FREM2: variants seen among roughly 807,000 people sequenced by gnomAD.
FREM2 encodes FRAS1 related extracellular matrix 2, also known as FRAS1-related extracellular matrix protein 2.
FREM2 carries 119 observed loss-of-function variants against 219.9 expected under a neutral mutation model. The observed-to-expected ratio is 0.54, with a 90% CI of 0.47 to 0.63. The LOEUF is 0.63. Ranked by LOEUF, FREM2 falls within the 30% of genes least tolerant of loss-of-function variation. The probability of loss-of-function intolerance (pLI) is 0.00; values close to 1 mark genes in which losing one functional copy is unlikely to be tolerated. For synonymous variants in FREM2, 1,562 were observed against 1,522.8 expected (o/e 1.03, Z -0.60); for missense variants, 4,030 against 3,993.6 (o/e 1.01, Z -0.25).
chr13:38,866,850 C>T lies in FREM2; in HGVS notation c.7983+2244C>T, dbSNP rs768580156. ...ATCAGTAATAAAAACCCTGCACTTG[C>T]CTGCCTAAGCTTTATCCTATTATAT... On this transcript the variant is annotated intron_variant, in intron 16 of 23. Transcript: ENST00000280481. Among the ~76,000 whole-genome samples, 10 of 152,142 alleles carry T rather than the reference C, an allele frequency of 6.6e-5. 1 individual carries two copies. The highest frequency in any genetic ancestry group is 9.7e-5 in the African/African-American group (4 of 41,430).
intron 14 of FREM2, among the ~76,000 whole-genome samples, chr13:38,861,062 A>T (rs960833569): frequency 6.6e-6 from 1 of 152,228 alleles, no homozygotes; most frequent in African/African-American, 2.4e-5. Context: ...AACTACACTT[A>T]CTTTTATCCT....
intron 6 of FREM2, among the ~76,000 whole-genome samples, chr13:38,790,348 A>T (rs78974591): frequency 0.039 from 5,871 of 152,084 alleles, 391 homozygotes; most frequent in African/African-American, 0.13. Context: ...GTATTAGCTC[A>T]TTTAGCTAGT....
intron 6 of FREM2, among the ~76,000 whole-genome samples, chr13:38,824,856 A>G (rs1876214170): frequency 6.6e-6 from 1 of 152,038 alleles, no homozygotes; most frequent in African/African-American, 2.4e-5. Flanking sequence ...GTCTCTCATT[A>G]GCTTCATAAA....
chr13:38,777,175 CATAT>C (rs920802672), intron 4 of FREM2, among the ~76,000 whole-genome samples: 3 of 151,766 alleles, frequency 2.0e-5, no homozygotes, highest in African/African-American at 4.8e-5. Flanking sequence ...TGTATACAAT[CATAT>C]ATATATAATT....
At chr13:38,694,849 G>A (rs1870038960) in intron 1 of FREM2, among the ~76,000 whole-genome samples, 1 of 152,102 alleles carries the variant, frequency 6.6e-6, no homozygotes, top group South Asian at 2.1e-4. Context: ...CATGTCTCAA[G>A]TACCTGGATT....
In FREM2 at chr13:38,878,982, G is replaced by T; in HGVS notation, c.9006+5G>T. 6.2e-7 allele frequency: 1 copy of T among 1,614,056 alleles called. No homozygotes were observed. The highest frequency in any genetic ancestry group is 8.5e-7 in the Non-Finnish European group (1 of 1,179,914). On this transcript the variant is annotated splice_donor_5th_base_variant and intron_variant, in intron 23 of 23. Coordinates refer to ENST00000280481, the MANE Select transcript of FREM2 (RefSeq NM_207361.6). ...GACTCAACACCACTCTTTCAGGTAG[G>T]CCAAAAACAAGCTCATTTGTAGTAG...
At chr13:38,813,142 T>C (rs2137865763) in intron 6 of FREM2, among the ~76,000 whole-genome samples, 1 of 152,230 alleles carries the variant, frequency 6.6e-6, no homozygotes. Context: ...GTCTGCTTCC[T>C]ATTACCAGTG....
intron 6 of FREM2, among the ~76,000 whole-genome samples, chr13:38,793,913 A>T (rs1048828563): frequency 6.6e-6 from 1 of 152,198 alleles, no homozygotes; most frequent in African/African-American, 2.4e-5. Flanking sequence ...GTTCACTGAG[A>T]TGGGGAGAAT....
At chr13:38,839,544 T>C (rs994091915) in intron 6 of FREM2, among the ~76,000 whole-genome samples, 4 of 152,204 alleles carry the variant, frequency 2.6e-5, no homozygotes, top group Non-Finnish European at 4.4e-5. Flanking sequence ...CATTTAAGTC[T>C]GCTGAAGCTG....
At chr13:38,833,109 G>C (rs1876575891) in intron 6 of FREM2, among the ~76,000 whole-genome samples, 1 of 152,082 alleles carries the variant, frequency 6.6e-6, no homozygotes, top group African/African-American at 2.4e-5. Flanking sequence ...AGAGCAGCAT[G>C]TCATAAATTA....
chr13:38,766,524 A>G (rs9603421), intron 3 of FREM2, among the ~76,000 whole-genome samples: 7,890 of 152,178 alleles, frequency 0.052, 385 homozygotes, highest in East Asian at 0.15. Context: ...TTTACAATGA[A>G]TACGTTGCTT....
intron 7 of FREM2, among the ~76,000 whole-genome samples, chr13:38,847,582 G>A (rs115569547): frequency 0.031 from 4,773 of 151,928 alleles, 113 homozygotes; most frequent in Middle Eastern, 0.071. Flanking sequence ...AAGAGCAAAG[G>A]GGAAGAAGCA....
At chr13:38,844,323 TACAC>T (rs1877069879) in intron 6 of FREM2, among the ~76,000 whole-genome samples, 1 of 152,256 alleles carries the variant, frequency 6.6e-6, no homozygotes, top group Non-Finnish European at 1.5e-5. Flanking sequence ...CTTGCACAGA[TACAC>T]ACACACATGC....
chr13:38,759,368 T>C (rs757047241), intron 2 of FREM2, among the ~76,000 whole-genome samples: 2 of 152,174 alleles, frequency 1.3e-5, no homozygotes, highest in Non-Finnish European at 2.9e-5. Context: ...TTATTGAAGA[T>C]TAAATGCTTT....
At chr13:38,818,673 A>G (rs1454019452) in intron 6 of FREM2, among the ~76,000 whole-genome samples, 1 of 152,082 alleles carries the variant, frequency 6.6e-6, no homozygotes, top group Non-Finnish European at 1.5e-5. Context: ...ATATATTATA[A>G]AAAAGCTGAC....
intron 6 of FREM2, among the ~76,000 whole-genome samples, chr13:38,814,464 G>A (rs1875679462): frequency 6.6e-6 from 1 of 152,184 alleles, no homozygotes. Flanking sequence ...TGGATTACAA[G>A]GCAGAGGCTC....
chr13:38,881,091 C>G lies in FREM2; in HGVS notation c.*304C>G. On this transcript the variant is annotated 3_prime_UTR_variant, in exon 24 of 24. Transcript: ENST00000280481. ...TATTCTCTATGCAGTGGAGATAAAT[C>G]TATTAAAAGGTGCTAACAGACTCTC... 4.6e-6 allele frequency: 2 copies of G among 437,004 alleles called. No individual in the cohort carries two copies. Among genetic ancestry groups the G allele is most frequent in the Non-Finnish European group, 8.5e-6 (2 of 234,734 alleles). 27.1% of individuals were successfully genotyped at this position (437,004 alleles called of 1,614,324 possible). A position where few individuals can be genotyped will look rare whatever the true frequency, so the allele number is the denominator to read the frequency against.
rs774766906 is a variant in FREM2 at position 38,850,040 on chromosome 13, C to T, written c.6382C>T (p.Pro2128Ser). 5.6e-6 allele frequency: 9 copies of T among 1,612,986 alleles called. No individual in the cohort carries two copies. Among genetic ancestry groups the T allele is most frequent in the South Asian group, 1.1e-5 (1 of 91,044 alleles). ...ACTTTAATCCTTTGTTTTTGCAGTGCCTAAGATGCAATTCAAAGAACGAAT... is the reference window on the plus strand; with the variant it reads ...ACTTTAATCCTTTGTTTTTGCAGTGTCTAAGATGCAATTCAAAGAACGAAT... ...VSINDSVSDL[P>S]KMQFKERIYT... is the part of the protein sequence containing the mutation. Residue 2128 changes from proline to serine, a missense_variant and splice_region_variant, in exon 9 of 24, where the codon CCT becomes TCT. Physicochemically the swap from Pro to Ser is moderately conservative, Grantham distance 74. Around this residue, in one of 2 missense-constraint regions of FREM2, gnomAD observed 3,102 missense variants for 2,950.7 expected, o/e 1.05. Coordinates refer to ENST00000280481, the MANE Select transcript of FREM2 (RefSeq NM_207361.6).
intron 2 of FREM2, among the ~76,000 whole-genome samples, chr13:38,699,415 T>A (rs1337563513): frequency 1.3e-5 from 2 of 152,168 alleles, no homozygotes; most frequent in African/African-American, 4.8e-5. Flanking sequence ...CATTCTATAG[T>A]ATCATATTTC....
Sources: gnomAD v4.1 joint callset for allele counts (sites outside exome capture counted in the v4.1 genomes callset) on GRCh38, gnomAD v4.1.1 for gene constraint, gnomAD v4.1.1 regional missense constraint, MANE v1.5 for transcripts, NCBI Gene and HGNC (gene_info 2026-07-23, HGNC 2026-07-21) for gene names.